The following SLC25A26 variants were observed in gnomAD, a reference collection of about 807,000 sequenced individuals.
The protein encoded by SLC25A26 is solute carrier family 25 member 26.
Under a neutral mutation model 37.8 loss-of-function variants are expected in SLC25A26, and 36 were observed. That is an observed-to-expected ratio of 0.95 (90% CI 0.73 to 1.26). The LOEUF is 1.26. Ranked by LOEUF, SLC25A26 falls within the 50% of genes most tolerant of loss-of-function variation. The pLI is 0.00. For missense variants in SLC25A26, 390 were observed against 331.1 expected (o/e 1.18, Z -1.38); for synonymous variants, 129 against 122.5 (o/e 1.05, Z -0.35).
chr3:66,291,662 TGA>T (rs1309264295), intron 5 of SLC25A26, among the ~76,000 whole-genome samples: 3 of 152,326 alleles, frequency 2.0e-5, no homozygotes, highest in South Asian at 2.1e-4. Flanking sequence ...CACTGTGATC[TGA>T]GAGACTATGA....
At chr3:66,150,508 AAT>A (rs1553647343) in intron 1 of SLC25A26, among the ~76,000 whole-genome samples, 1 of 120,270 alleles carries the variant, frequency 8.3e-6, no homozygotes, top group African/African-American at 3.3e-5. Flanking sequence ...AAGACAAAAA[AAT>A]ATATATATAT....
intron 1 of SLC25A26, among the ~76,000 whole-genome samples, chr3:66,157,156 C>A (rs1351245388): frequency 6.6e-6 from 1 of 152,082 alleles, no homozygotes; most frequent in African/African-American, 2.4e-5. Context: ...ATCACTTGGG[C>A]CTGGGAGGTC....
chr3:66,290,967 TATTA>T (rs1043940054), intron 5 of SLC25A26, among the ~76,000 whole-genome samples: 9 of 152,228 alleles, frequency 5.9e-5, no homozygotes, highest in African/African-American at 2.2e-4. Context: ...GTTTGTAGGC[TATTA>T]ATTACTTCCT....
At chr3:66,185,712 C>A (rs1392909721) in intron 1 of SLC25A26, among the ~76,000 whole-genome samples, 1 of 152,072 alleles carries the variant, frequency 6.6e-6, no homozygotes, top group African/African-American at 2.4e-5. Context: ...TGTGCTAGAG[C>A]CTGACCGTGG....
intron 1 of SLC25A26, among the ~76,000 whole-genome samples, chr3:66,151,257 C>T (rs1487427741): frequency 1.3e-5 from 2 of 152,134 alleles, no homozygotes; most frequent in Non-Finnish European, 2.9e-5. Flanking sequence ...CTACTCCATT[C>T]TGCCTACCAC....
In SLC25A26 at chr3:66,285,992, A is replaced by G. The variant is rs149660065; in HGVS notation, c.453+22613A>G. On this transcript the variant is annotated intron_variant, in intron 5 of 9. Coordinates refer to ENST00000354883, the MANE Select transcript of SLC25A26 (RefSeq NM_001379210.1). ...ATGTTGAACATCTTTTCATATGCTT[A>G]TTTGGCATCCTTGCATCTTTTTATC... Among the ~76,000 whole-genome samples, 740 of 152,286 alleles carry G rather than the reference A, an allele frequency of 4.9e-3. 11 individuals are homozygous for G. The highest frequency in any genetic ancestry group is 0.013 in the African/African-American group (542 of 41,560).
At chr3:66,244,800 G>A (rs576693646) in intron 3 of SLC25A26, among the ~76,000 whole-genome samples, 2 of 151,860 alleles carry the variant, frequency 1.3e-5, no homozygotes, top group East Asian at 1.9e-4. Context: ...GTGAAACCCC[G>A]TCTCTACTGA....
At chr3:66,149,438 A>C (rs1011418129) in intron 1 of SLC25A26, among the ~76,000 whole-genome samples, 1 of 152,204 alleles carries the variant, frequency 6.6e-6, no homozygotes, top group African/African-American at 2.4e-5. Flanking sequence ...TTTATGTGCC[A>C]ACAAATTTTC....
intron 5 of SLC25A26, among the ~76,000 whole-genome samples, chr3:66,282,244 C>G (rs2074370877): frequency 6.6e-6 from 1 of 152,024 alleles, no homozygotes; most frequent in African/African-American, 2.4e-5. Context: ...ATCTCCTGAC[C>G]TCATGATCCA....
chr3:66,314,077 T>C (rs2075461818), intron 5 of SLC25A26, among the ~76,000 whole-genome samples: 1 of 152,196 alleles, frequency 6.6e-6, no homozygotes, highest in Non-Finnish European at 1.5e-5. Flanking sequence ...CAGAGACAAT[T>C]TGACTTCCTC....
chr3:66,288,048 G>T (rs575313066), intron 5 of SLC25A26, among the ~76,000 whole-genome samples: 4 of 152,182 alleles, frequency 2.6e-5, no homozygotes, highest in Non-Finnish European at 2.9e-5. Context: ...AATTAGCCAT[G>T]TGTGGATGGG....
chr3:66,189,640 A>C (rs2070897807), intron 1 of SLC25A26, among the ~76,000 whole-genome samples: 1 of 152,138 alleles, frequency 6.6e-6, no homozygotes, highest in African/African-American at 2.4e-5. Flanking sequence ...ACTTGTTTAC[A>C]CATGTACTGT....
intron 1 of SLC25A26, among the ~76,000 whole-genome samples, chr3:66,139,777 T>C (rs976320117): frequency 3.9e-5 from 6 of 152,208 alleles, no homozygotes; most frequent in African/African-American, 1.4e-4. Context: ...AGTTACTTCT[T>C]TCACACTAAG....
chr3:66,223,431 A>G lies in SLC25A26; in HGVS notation c.33+2304A>G, dbSNP rs1452852284. Among the ~76,000 whole-genome samples the G allele has an allele frequency of 3.3e-5, 5 of 152,126 alleles. 1 individual carries two copies. The South Asian group carries it at 8.3e-4, about 25-fold the overall frequency. ...GAGGTGGGGCTTTATGGGCTAGGGA[A>G]AATAATTTGGATTTCATTTGTAGTG... On this transcript the variant is annotated intron_variant, in intron 1 of 9. Coordinates refer to ENST00000354883, the MANE Select transcript of SLC25A26 (RefSeq NM_001379210.1).
chr3:66,252,654 CA>C (rs1456235426), intron 3 of SLC25A26, among the ~76,000 whole-genome samples: 1 of 152,198 alleles, frequency 6.6e-6, no homozygotes, highest in African/African-American at 2.4e-5. Context: ...ATTGAATAAA[CA>C]TTGGGTCTAG....
At chr3:66,277,042 T>A (rs1383482401) in intron 5 of SLC25A26, among the ~76,000 whole-genome samples, 2 of 152,020 alleles carry the variant, frequency 1.3e-5, no homozygotes, top group Non-Finnish European at 2.9e-5. Context: ...ATGGATAAAT[T>A]TGTGTTATCT....
intron 1 of SLC25A26, among the ~76,000 whole-genome samples, chr3:66,225,594 A>G (rs140404133): frequency 0.83 from 125,579 of 152,156 alleles, 52,645 homozygotes; most frequent in Middle Eastern, 0.92. Flanking sequence ...GTCAGTTAAC[A>G]TTTGACTCCT....
intron 5 of SLC25A26, among the ~76,000 whole-genome samples, chr3:66,296,598 A>G (rs1027207922): frequency 2.0e-5 from 3 of 152,224 alleles, no homozygotes; most frequent in Admixed American, 6.5e-5. Context: ...GTGTGTATGC[A>G]TAGTATACTT....
chr3:66,177,060 T>C (rs1484885730), intron 1 of SLC25A26, among the ~76,000 whole-genome samples: 2 of 152,196 alleles, frequency 1.3e-5, no homozygotes, highest in African/African-American at 4.8e-5. Context: ...AAAGTGAGAT[T>C]ATGGCTGGAG....
Sources: allele counts gnomAD v4.1 joint callset (sites outside exome capture counted in the v4.1 genomes callset), GRCh38; gene constraint gnomAD v4.1.1; transcripts MANE v1.5; gene names NCBI Gene and HGNC (gene_info 2026-07-23, HGNC 2026-07-21).